Variants in MICAL3 observed in about 807,000 individuals in gnomAD.
The protein encoded by MICAL3 is microtubule associated monooxygenase, calponin and LIM domain containing 3, also known as [F-actin]-monooxygenase MICAL3.
Under a neutral mutation model 207.4 loss-of-function variants are expected in MICAL3, and 62 were observed. That is an observed-to-expected ratio of 0.30 (90% CI 0.24 to 0.37). MICAL3 has a LOEUF of 0.37. MICAL3 is among the 10% of genes least tolerant of loss of function. The pLI is 1.00. For synonymous variants in MICAL3, 1,077 were observed against 1,069.3 expected (o/e 1.01, Z -0.14); for missense variants, 2,368 against 2,635.6 (o/e 0.90, Z 2.22).
intron 29 of MICAL3, among the ~76,000 whole-genome samples, chr22:17,807,081 C>A (rs939883537): frequency 3.9e-5 from 6 of 152,252 alleles, no homozygotes; most frequent in Non-Finnish European, 8.8e-5. Flanking sequence ...AGGGCTTAAA[C>A]CATGAAATGC....
chr22:17,841,510 C>T lies in MICAL3; in HGVS notation c.2801+312G>A, dbSNP rs895256903. ...GTCCCTCCCCGTGTGCCCGTCCTTC[C>T]CTCTGCTGAATCTGTGAATAACCCG... On this transcript the variant is annotated intron_variant, in intron 20 of 31. Coordinates refer to ENST00000441493, the MANE Select transcript of MICAL3 (RefSeq NM_015241.3). This position sits in a 1 kb window ranked among gnomAD's most constrained non-coding sequence, Gnocchi z 4.2. The T allele has an allele frequency of 5.6e-5, 30 of 531,266 alleles. No individual in the cohort carries two copies. The highest frequency in any genetic ancestry group is 4.3e-4 in the Admixed American group (14 of 32,232). The allele number at this position is 531,266 out of a possible 1,614,324, so 32.9% of individuals were successfully genotyped here.
chr22:17,815,983 A>AGACAGCCGGGTTGCC (rs1317254073), intron 27 of MICAL3, among the ~76,000 whole-genome samples: 2 of 152,246 alleles, frequency 1.3e-5, no homozygotes, highest in Non-Finnish European at 2.9e-5. Context: ...AGGAAGCAGG[A>AGACAGCCGGGTTGCC]GACAGCCGGG....
chr22:17,802,367 A>G (rs1027447138), intron 29 of MICAL3, among the ~76,000 whole-genome samples: 1 of 152,166 alleles, frequency 6.6e-6, no homozygotes, highest in African/African-American at 2.4e-5. Flanking sequence ...ACACAGTGAA[A>G]TTCACTTAGA....
intron 1 of MICAL3, among the ~76,000 whole-genome samples, chr22:17,954,046 T>C (rs1352463910): frequency 1.3e-5 from 2 of 151,200 alleles, no homozygotes; most frequent in Non-Finnish European, 2.9e-5. Context: ...GTGACATTTA[T>C]ATGAAATATA....
chr22:17,910,150 T>C (rs1407885954), intron 1 of MICAL3, among the ~76,000 whole-genome samples: 1 of 152,224 alleles, frequency 6.6e-6, no homozygotes, highest in Non-Finnish European at 1.5e-5. Flanking sequence ...ATGACATTCT[T>C]GCTGAAGCCA....
intron 29 of MICAL3, among the ~76,000 whole-genome samples, chr22:17,795,713 C>T (rs954430109): frequency 2.0e-5 from 3 of 152,256 alleles, no homozygotes; most frequent in Non-Finnish European, 4.4e-5. Flanking sequence ...CGAGTCCGAG[C>T]TGCGCTGCGG....
chr22:18,012,846 G>T (rs1223299535), intron 1 of MICAL3, among the ~76,000 whole-genome samples: 2 of 152,182 alleles, frequency 1.3e-5, no homozygotes, highest in Admixed American at 6.5e-5. Context: ...CCAGGTCCTG[G>T]GCTGGGATGT....
chr22:17,832,717 C>A (rs1364290185), intron 20 of MICAL3, among the ~76,000 whole-genome samples: 2 of 152,098 alleles, frequency 1.3e-5, no homozygotes, highest in Non-Finnish European at 2.9e-5. Context: ...CTGTCAGAAG[C>A]CTCTCAGGAG....
intron 10 of MICAL3, among the ~76,000 whole-genome samples, chr22:17,894,395 CAAAAAAA>C (rs57537906): frequency 1.0e-4 from 9 of 86,242 alleles, no homozygotes; most frequent in South Asian, 3.7e-4. Flanking sequence ...GACTCTGTCT[CAAAAAAA>C]AAAAAAAAGA....
intron 24 of MICAL3, among the ~76,000 whole-genome samples, 190 bp from the exon 25 acceptor site, chr22:17,821,699 C>T (rs899947413): frequency 3.3e-5 from 5 of 152,210 alleles, no homozygotes; most frequent in Non-Finnish European, 7.3e-5. Context: ...CGGGGCTGCC[C>T]GGCACTCTCT....
At chr22:17,877,908 A>G (rs1420972027) in intron 16 of MICAL3, among the ~76,000 whole-genome samples, 1 of 151,270 alleles carries the variant, frequency 6.6e-6, no homozygotes, top group Non-Finnish European at 1.5e-5. Context: ...GCTGGAGTGC[A>G]GTGGCGCGAT....
At chr22:17,872,365 G>C (rs1927810223) in intron 16 of MICAL3, among the ~76,000 whole-genome samples, 1 of 151,786 alleles carries the variant, frequency 6.6e-6, no homozygotes, top group Admixed American at 6.5e-5. Context: ...CGACAAGAAA[G>C]AGTCTTAGAG....
At position 17,832,050 on chromosome 22, in the gene MICAL3, C is replaced by T; in HGVS notation, c.2859G>A (p.Leu953=). The change falls in exon 21 of 32, where the codon CTG becomes CTA. Residue 953 remains leucine, a synonymous_variant. Transcript: ENST00000441493. ...GAACACCACCCAGGTCAGATGGGGG[C>T]AGGCGAGGCTCCTCCTCCTCCTCCT... ...EGEEEEEEPR[L]PPSDLGGVPW... 1 of 1,601,870 alleles carries T rather than the reference C, an allele frequency of 6.2e-7. No individual in the cohort carries two copies. The highest frequency in any genetic ancestry group is 1.1e-5 in the South Asian group (1 of 88,844).
chr22:17,818,973 G>A lies in MICAL3; in HGVS notation c.3688C>T (p.Leu1230=). 1.2e-6 allele frequency: 2 copies of A among 1,607,964 alleles called. No homozygotes were observed. The highest frequency in any genetic ancestry group is 2.2e-5 in the East Asian group (1 of 44,826). The change falls in exon 26 of 32, where the codon CTG becomes TTG. Residue 1230 remains leucine, a synonymous_variant. Coordinates refer to ENST00000441493, the MANE Select transcript of MICAL3 (RefSeq NM_015241.3). ...GAGACAGGAGTCCTAGCTTCTGGCAGGGTCACTGGCTGTGATCGGATGGGA... is the reference window on the plus strand; with the variant it reads ...GAGACAGGAGTCCTAGCTTCTGGCAAGGTCACTGGCTGTGATCGGATGGGA... ...HSPIRSQPVT[L]PEARTPVSPG...
chr22:17,841,821 C>A lies in MICAL3; in HGVS notation c.2801+1G>T. 6.5e-7 allele frequency: 1 copy of A among 1,544,590 alleles called. No homozygotes were observed. The highest frequency in any genetic ancestry group is 8.7e-7 in the Non-Finnish European group (1 of 1,147,530). The stretch of plus-strand genomic sequence containing the variant: ...GGCGCCCTGCAGCCCTGCGTGCTGA[C>A]CTGCTGGCGACGTCCTCCTCGGCGC... On this transcript the variant is annotated splice_donor_variant, in intron 20 of 31. Coordinates refer to ENST00000441493, the MANE Select transcript of MICAL3 (RefSeq NM_015241.3). LOFTEE classifies it high-confidence loss of function. The surrounding 1 kb of genome is among the most constrained non-coding windows in gnomAD (Gnocchi z 4.2).
At chr22:17,948,623 A>G (rs1255944619) in intron 1 of MICAL3, among the ~76,000 whole-genome samples, 2 of 152,144 alleles carry the variant, frequency 1.3e-5, no homozygotes, top group East Asian at 1.9e-4. Flanking sequence ...TGTCCCTTTT[A>G]AAAACAAGAT....
In MICAL3 at chr22:17,827,641, T is replaced by C; in HGVS notation, c.3193+3A>G. On this transcript the variant is annotated splice_donor_region_variant and intron_variant, in intron 22 of 31. Coordinates refer to ENST00000441493, the MANE Select transcript of MICAL3 (RefSeq NM_015241.3). ...ACTGCGGCCTGGGGCTGGGAGTGTTTACCTCCGGAAGCAGAGGACTCAGAG... is the reference window on the plus strand; with the variant it reads ...ACTGCGGCCTGGGGCTGGGAGTGTTCACCTCCGGAAGCAGAGGACTCAGAG... 1 of 1,560,334 alleles carries C rather than the reference T, an allele frequency of 6.4e-7. No homozygotes were observed. Among genetic ancestry groups the C allele is most frequent in the Non-Finnish European group, 8.7e-7 (1 of 1,152,568 alleles).
intron 1 of MICAL3, among the ~76,000 whole-genome samples, chr22:18,013,989 G>A (rs528195881): frequency 8.6e-4 from 131 of 152,032 alleles, no homozygotes; most frequent in African/African-American, 3.1e-3. Context: ...TAGAAACGGG[G>A]TCTTACCATG....
Position 17,818,497 on chromosome 22 carries a change from C to G in MICAL3, c.4164G>C (p.Arg1388Ser), listed in dbSNP as rs759016526. 1.2e-6 allele frequency: 2 copies of G among 1,613,062 alleles called. No individual in the cohort carries two copies. Among genetic ancestry groups the G allele is most frequent in the Non-Finnish European group, 1.7e-6 (2 of 1,179,870 alleles). Residue 1388 changes from arginine to serine, a missense_variant, in exon 26 of 32, where the codon AGG becomes AGC. By Grantham distance (110) the Arg-to-Ser change is moderately radical (BLOSUM62 -1). Coordinates refer to ENST00000441493, the MANE Select transcript of MICAL3 (RefSeq NM_015241.3). ...HLLKPLSIPK[R>S]LGLPKPEGEP... is the part of the protein sequence containing the mutation. ...CGCCTTCCGGCTTTGGCAGGCCCAG[C>G]CTTTTGGGGATGGACAGAGGCTTGA...
Sources: gnomAD v4.1 joint callset for allele counts (sites outside exome capture counted in the v4.1 genomes callset) on GRCh38, gnomAD v4.1.1 for gene constraint, Gnocchi (gnomAD v3.1) non-coding constraint, MANE v1.5 for transcripts, NCBI Gene and HGNC (gene_info 2026-07-23, HGNC 2026-07-21) for gene names.